Variants in CPNE4 observed in about 807,000 individuals in gnomAD.
The protein encoded by CPNE4 is copine 4, also known as copine-4.
CPNE4 carries 25 observed loss-of-function variants against 67.9 expected under a neutral mutation model. The ratio of observed to expected loss-of-function variants is 0.37; its 90% CI spans 0.27 to 0.51. CPNE4 has a LOEUF of 0.51. Ranked by LOEUF, CPNE4 falls within the 20% of genes least tolerant of loss-of-function variation. The pLI is 0.93. For missense variants in CPNE4, 464 were observed against 690.8 expected, an observed-to-expected ratio of 0.67 and a Z score of 3.68; for synonymous variants, 242 against 244.9, an observed-to-expected ratio of 0.99 and a Z score of 0.11.
rs3035263 is a variant in CPNE4, at chr3:131,700,054, C to CTTTTTTTTTTTTTTTTTTT, written c.361-93_361-75dup. ...TTAACTGTAGATCTATTTTTTAAAC[C>CTTTTTTTTTTTTTTTTTTT]TTTTTTTTTTTTTTTTTTTTTTTAC... is the stretch of plus-strand genomic sequence containing the variant. On this transcript the variant is annotated intron_variant, in intron 3 of 15. Coordinates refer to ENST00000429747, the MANE Select transcript of CPNE4 (RefSeq NM_130808.3). 66 of 254,736 alleles carry CTTTTTTTTTTTTTTTTTTT rather than the reference C, an allele frequency of 2.6e-4. 2 individuals carry two copies. The highest frequency in any genetic ancestry group is 1.6e-3 in the African/African-American group (48 of 30,080). 15.8% of individuals were successfully genotyped at this position (254,736 alleles called of 1,614,324 possible).
chr3:131,751,174 G>A (rs1287717978), intron 2 of CPNE4, among the ~76,000 whole-genome samples: 1 of 152,034 alleles, frequency 6.6e-6, no homozygotes, highest in East Asian at 1.9e-4. Context: ...TCTTGTTGAA[G>A]CTGTAGGTTT....
intron 7 of CPNE4, among the ~76,000 whole-genome samples, chr3:131,588,387 C>A (rs1938320361): frequency 6.6e-6 from 1 of 152,120 alleles, no homozygotes; most frequent in Non-Finnish European, 1.5e-5. Context: ...GGATTGGAGT[C>A]TTCAGCACTT....
intron 1 of CPNE4, among the ~76,000 whole-genome samples, chr3:132,005,764 G>T (rs1300876489): frequency 6.6e-6 from 1 of 151,742 alleles, no homozygotes; most frequent in Admixed American, 6.6e-5. Flanking sequence ...CATATATGCA[G>T]GTTTTGCATC....
intron 2 of CPNE4, among the ~76,000 whole-genome samples, chr3:131,820,684 T>C (rs904507559): frequency 6.6e-6 from 1 of 152,242 alleles, no homozygotes; most frequent in Non-Finnish European, 1.5e-5. Flanking sequence ...CAATTTCTGT[T>C]CTTAAAAATA....
intron 2 of CPNE4, among the ~76,000 whole-genome samples, chr3:131,886,633 G>A (rs1308126718): frequency 6.6e-6 from 1 of 152,210 alleles, no homozygotes; most frequent in Non-Finnish European, 1.5e-5. Flanking sequence ...GAGGGAGGCT[G>A]TACCCTGCAA....
At chr3:131,677,789 A>C (rs2080622173) in intron 6 of CPNE4, among the ~76,000 whole-genome samples, 1 of 152,024 alleles carries the variant, frequency 6.6e-6, no homozygotes, top group Non-Finnish European at 1.5e-5. Flanking sequence ...CCATTGGTCT[A>C]TGTGTCTGTT....
intron 1 of CPNE4, among the ~76,000 whole-genome samples, chr3:131,921,241 C>T (rs2070732782): frequency 6.6e-6 from 1 of 152,222 alleles, no homozygotes; most frequent in Non-Finnish European, 1.5e-5. Flanking sequence ...CGTTCTTTAA[C>T]TCTCAGGTCT....
chr3:131,604,315 A>G (rs1473277832), intron 7 of CPNE4, among the ~76,000 whole-genome samples: 3 of 152,198 alleles, frequency 2.0e-5, no homozygotes, highest in African/African-American at 7.2e-5. Context: ...TCCTAACCTT[A>G]TTGAAAAACA....
intron 1 of CPNE4, among the ~76,000 whole-genome samples, chr3:131,952,228 T>C (rs979133836): frequency 3.6e-5 from 5 of 138,036 alleles, no homozygotes; most frequent in Non-Finnish European, 7.9e-5. Flanking sequence ...CCGTCTGGGA[T>C]GTGAGGAGCG....
At chr3:131,730,138 C>G (rs1453688448) in intron 2 of CPNE4, among the ~76,000 whole-genome samples, 1 of 151,910 alleles carries the variant, frequency 6.6e-6, no homozygotes, top group Non-Finnish European at 1.5e-5. Flanking sequence ...TAATGATATA[C>G]CATTGTTTAA....
chr3:131,799,217 G>A (rs1237149659), intron 2 of CPNE4, among the ~76,000 whole-genome samples: 1 of 152,118 alleles, frequency 6.6e-6, no homozygotes, highest in Non-Finnish European at 1.5e-5. Flanking sequence ...GCTGGGCAAG[G>A]ACATTTTCCT....
intron 3 of CPNE4, among the ~76,000 whole-genome samples, chr3:131,719,117 G>A (rs768747428): frequency 3.7e-4 from 56 of 152,180 alleles, no homozygotes; most frequent in Non-Finnish European, 6.5e-4. Context: ...TACAGTTTGG[G>A]AAACATGGTT....
chr3:132,029,951 G>A (rs1027821451), intron 1 of CPNE4, among the ~76,000 whole-genome samples: 8 of 152,204 alleles, frequency 5.3e-5, no homozygotes, highest in African/African-American at 1.7e-4. Context: ...GTCTATGCAT[G>A]AGCAATTTTT....
intron 2 of CPNE4, among the ~76,000 whole-genome samples, chr3:131,804,271 C>A (rs566704579): frequency 3.0e-4 from 45 of 151,540 alleles, no homozygotes; most frequent in African/African-American, 1.0e-3. Flanking sequence ...TAAGCAGAAC[C>A]CGTATGATTT....
intron 2 of CPNE4, among the ~76,000 whole-genome samples, chr3:131,773,627 C>T (rs2083224144): frequency 2.0e-5 from 3 of 151,880 alleles, no homozygotes; most frequent in South Asian, 4.2e-4. Flanking sequence ...GGATTACAAG[C>T]GTGAGCCACT....
intron 3 of CPNE4, 72 bp from the exon 4 acceptor site, chr3:131,700,052 ACCTT>A: frequency 1.6e-6 from 1 of 644,002 alleles, no homozygotes; most frequent in Non-Finnish European, 2.3e-6. Flanking sequence ...TATTTTTTAA[ACCTT>A]TTTTTTTTTT....
intron 7 of CPNE4, among the ~76,000 whole-genome samples, chr3:131,601,303 A>G (rs1939193188): frequency 6.6e-6 from 1 of 152,140 alleles, no homozygotes; most frequent in Non-Finnish European, 1.5e-5. Flanking sequence ...TTTTTTATCA[A>G]CTACAATAGA....
At chr3:131,748,087 T>C (rs2082536156) in intron 2 of CPNE4, among the ~76,000 whole-genome samples, 1 of 152,066 alleles carries the variant, frequency 6.6e-6, no homozygotes, top group Non-Finnish European at 1.5e-5. Flanking sequence ...AATGCTTTTT[T>C]GGCATCAATA....
intron 2 of CPNE4, among the ~76,000 whole-genome samples, chr3:131,837,450 G>A (rs888791171): frequency 1.3e-5 from 2 of 152,082 alleles, no homozygotes; most frequent in African/African-American, 4.8e-5. Context: ...GTTACACAGT[G>A]TGTGATTTCA....
Sources: gnomAD v4.1 joint callset for allele counts (sites outside exome capture counted in the v4.1 genomes callset) on GRCh38, gnomAD v4.1.1 for gene constraint, MANE v1.5 for transcripts, NCBI Gene and HGNC (gene_info 2026-07-23, HGNC 2026-07-21) for gene names.